Variants in PRUNE2 observed in about 807,000 individuals in gnomAD.
The protein encoded by PRUNE2 is protein prune homolog 2.
Under a neutral mutation model 252.0 loss-of-function variants are expected in PRUNE2, and 164 were observed. That is an observed-to-expected ratio of 0.65 (90% CI 0.57 to 0.74). The LOEUF (loss-of-function observed/expected upper bound fraction) is 0.74, where lower values mean the gene tolerates loss of function less well. PRUNE2 is among the 30% of genes least tolerant of loss of function. PRUNE2 has a pLI of 0.00. For synonymous variants in PRUNE2, 1,292 were observed against 1,350.2 expected, an observed-to-expected ratio of 0.96 and a Z score of 0.94; for missense variants, 3,495 against 3,711.0, an observed-to-expected ratio of 0.94 and a Z score of 1.51.
chr9:76,720,596 C>G (rs1275749568), intron 6 of PRUNE2, among the ~76,000 whole-genome samples: 1 of 150,810 alleles, frequency 6.6e-6, no homozygotes, highest in Non-Finnish European at 1.5e-5. Flanking sequence ...CTTTCCTTTC[C>G]TGTTTTTTTA....
intron 4 of PRUNE2, among the ~76,000 whole-genome samples, chr9:76,844,352 C>T (rs78652924): frequency 0.059 from 8,960 of 152,118 alleles, 297 homozygotes; most frequent in East Asian, 0.15. Flanking sequence ...CTGGGACCTC[C>T]CCAGTCTCTT....
At chr9:76,711,808 CT>C (rs1231780069) in intron 7 of PRUNE2, among the ~76,000 whole-genome samples, 17 of 152,200 alleles carry the variant, frequency 1.1e-4, no homozygotes, top group Non-Finnish European at 1.9e-4. Flanking sequence ...CCTCTGATAG[CT>C]TCAGAATGCA....
At position 76,705,577 on chromosome 9, in the gene PRUNE2, T is replaced by C; in HGVS notation, c.6697A>G (p.Thr2233Ala). The C allele has an allele frequency of 6.2e-7, 1 of 1,614,032 alleles. No individual in the cohort carries two copies. Among genetic ancestry groups the C allele is most frequent in the Non-Finnish European group, 8.5e-7 (1 of 1,179,884 alleles). Reference protein sequence around the residue: ...RRIPRIENVATSIFVTHQEPT... With the variant: ...RRIPRIENVAASIFVTHQEPT... ...TCTTGGTGAGTTACAAAAATGCTAG[T>C]TGCCACATTTTCAATCCTTGGGATT... The change falls in exon 8 of 19, where the codon ACT becomes GCT. Residue 2233 changes from threonine (T) to alanine (A), a missense_variant. Physicochemically the swap from Thr to Ala is moderately conservative, Grantham distance 58 (BLOSUM62 0). Transcript: ENST00000376718.
rs1828380274 is a variant in PRUNE2 at position 76,614,270 on chromosome 9, G to T, written c.*300C>A. On this transcript the variant is annotated 3_prime_UTR_variant, in exon 19 of 19. Coordinates refer to ENST00000376718, the MANE Select transcript of PRUNE2 (RefSeq NM_015225.3). ...AAAGGTATCTTACTGGTAAACACCA[G>T]TCTAAGGGACAAAGTATCACTACAC... is the stretch of plus-strand genomic sequence containing the variant. The T allele has an allele frequency of 2.3e-6, 1 of 431,970 alleles. No homozygotes were observed. Among genetic ancestry groups the T allele is most frequent in the Admixed American group, 4.3e-5 (1 of 23,156 alleles). 26.8% of individuals were successfully genotyped at this position (431,970 alleles called of 1,614,324 possible).
At chr9:76,723,571 A>G (rs2047830095) in intron 6 of PRUNE2, among the ~76,000 whole-genome samples, 1 of 152,210 alleles carries the variant, frequency 6.6e-6, no homozygotes, top group African/African-American at 2.4e-5. Flanking sequence ...TCACTAAGGT[A>G]CAACTATGAA....
rs573999047 is a variant in PRUNE2, at chr9:76,830,354, G to A, written c.509-3622C>T. On this transcript the variant is annotated intron_variant, in intron 4 of 18. Transcript: ENST00000376718. ...AATGAAAGAAAGACATTATTCAAAC[G>A]TTAAAGAAAAACTGTGGGTTGGGCA... Among the ~76,000 whole-genome samples, 7 of 152,190 alleles carry A rather than the reference G, an allele frequency of 4.6e-5. No homozygotes were observed. In the South Asian group the frequency reaches 8.3e-4, roughly 18 times the overall value.
At chr9:76,686,559 G>A (rs950088824) in intron 9 of PRUNE2, among the ~76,000 whole-genome samples, 9 of 152,230 alleles carry the variant, frequency 5.9e-5, no homozygotes, top group Middle Eastern at 3.4e-3. Context: ...AGGCTCAAGT[G>A]ATCCTCTCAC....
chr9:76,879,880 T>C (rs1179382689), intron 1 of PRUNE2, among the ~76,000 whole-genome samples: 1 of 68,516 alleles, frequency 1.5e-5, no homozygotes, highest in Non-Finnish European at 2.5e-5. Flanking sequence ...AGGCCTGTCA[T>C]ATATATATAT....
chr9:76,824,294 G>A (rs938381254), intron 5 of PRUNE2, among the ~76,000 whole-genome samples: 12 of 152,054 alleles, frequency 7.9e-5, no homozygotes, highest in Non-Finnish European at 1.5e-4. Context: ...AAAGGGTGGC[G>A]GTGGACAAAT....
chr9:76,704,605 A>C (rs1308853701), intron 8 of PRUNE2, among the ~76,000 whole-genome samples, 156 bp downstream of exon 8: 2 of 152,202 alleles, frequency 1.3e-5, no homozygotes, highest in African/African-American at 2.4e-5. Flanking sequence ...ACTAGATTTT[A>C]CTGCTGTTAT....
At chr9:76,688,374 G>A (rs926465321) in intron 9 of PRUNE2, among the ~76,000 whole-genome samples, 8 of 152,212 alleles carry the variant, frequency 5.3e-5, no homozygotes, top group African/African-American at 1.7e-4. Context: ...AGTCGGCTCT[G>A]TCTTGTTCCA....
chr9:76,773,034 T>A (rs7025345), intron 6 of PRUNE2, among the ~76,000 whole-genome samples: 82,693 of 152,110 alleles, frequency 0.54, 24,133 homozygotes, highest in African/African-American at 0.76. Flanking sequence ...AATTTGTATT[T>A]AGAAACAAAA....
At chr9:76,850,777 C>T in intron 2 of PRUNE2, 112 bp from the exon 3 acceptor site, 1 of 737,294 alleles carries the variant, frequency 1.4e-6, no homozygotes, top group Admixed American at 2.5e-5. Flanking sequence ...CTTCTGGCCT[C>T]ACTAAACCAC....
chr9:76,856,683 G>T, intron 1 of PRUNE2: 1 of 169,144 alleles, frequency 5.9e-6, no homozygotes, highest in Non-Finnish European at 1.3e-5. Flanking sequence ...AGGTATAACG[G>T]GTAAGGACCA....
At chr9:76,861,996 T>C (rs115484646) in intron 1 of PRUNE2, 2,136 of 152,306 alleles carry the variant, frequency 0.014, 54 homozygotes, top group African/African-American at 0.048. Flanking sequence ...CCCACTGTTG[T>C]GGGGAGATGC....
chr9:76,635,864 T>G (rs1839848787), intron 15 of PRUNE2, among the ~76,000 whole-genome samples: 3 of 152,220 alleles, frequency 2.0e-5, no homozygotes, highest in Admixed American at 6.5e-5. Context: ...TGAACATAAC[T>G]TATTTTACTT....
chr9:76,708,429 T>A lies in PRUNE2; in HGVS notation c.3845A>T (p.His1282Leu). 2 of 1,610,160 alleles carry A rather than the reference T, an allele frequency of 1.2e-6. No individual in the cohort carries two copies. Among genetic ancestry groups the A allele is most frequent in the East Asian group, 4.5e-5 (2 of 44,842 alleles). Residue 1282 changes from histidine (H) to leucine (L), a missense_variant, in exon 8 of 19, where the codon CAT becomes CTT. Coordinates refer to ENST00000376718, the MANE Select transcript of PRUNE2 (RefSeq NM_015225.3). ...CCTCTCTGTGTCCTGCTTGTCAAGA[T>A]GAGATATAAGTGCCTCTGATTCACT... ...GTSESEALIS[H>L]LDKQDTERET... is the part of the protein sequence containing the mutation.
chr9:76,690,761 TAC>T (rs1249572120), intron 9 of PRUNE2, among the ~76,000 whole-genome samples: 1 of 152,230 alleles, frequency 6.6e-6, no homozygotes, highest in Non-Finnish European at 1.5e-5. Context: ...ATTACAAAGC[TAC>T]ATCTCACAGG....
chr9:76,736,585 C>CT (rs2049094047), intron 6 of PRUNE2: 1 of 152,260 alleles, frequency 6.6e-6, no homozygotes, highest in Non-Finnish European at 1.5e-5. Context: ...AGGCTGCCAT[C>CT]TTTTTGCTGT....
Sources: allele counts gnomAD v4.1 joint callset (sites outside exome capture counted in the v4.1 genomes callset), GRCh38; gene constraint gnomAD v4.1.1; transcripts MANE v1.5; gene names NCBI Gene and HGNC (gene_info 2026-07-23, HGNC 2026-07-21).